Variants in CCSER1 observed in about 807,000 individuals in gnomAD.
CCSER1 encodes the protein serine-rich coiled-coil domain-containing protein 1.
In CCSER1, 41 loss-of-function variants were observed where a neutral mutation model predicts 82.0. The observed-to-expected ratio is 0.50, with a 90% confidence interval of 0.39 to 0.65. The LOEUF (loss-of-function observed/expected upper bound fraction) is 0.65, where lower values mean the gene tolerates loss of function less well. Among genes scored for constraint, CCSER1 ranks in the 30% least tolerant of loss-of-function variants. The probability of loss-of-function intolerance (pLI) is 0.00; values close to 1 mark genes in which losing one functional copy is unlikely to be tolerated. For missense variants in CCSER1, 1,119 were observed against 1,064.2 expected (o/e 1.05, Z -0.72); for synonymous variants, 414 against 383.9 (o/e 1.08, Z -0.92).
At chr4:91,041,906 G>A (rs754074857) in intron 9 of CCSER1, among the ~76,000 whole-genome samples, 8 of 152,134 alleles carry the variant, frequency 5.3e-5, no homozygotes, top group Non-Finnish European at 1.2e-4. Flanking sequence ...TTGACTGATC[G>A]CAATGTCACA....
intron 10 of CCSER1, among the ~76,000 whole-genome samples, chr4:91,131,969 A>G: frequency 6.6e-6 from 1 of 151,982 alleles, no homozygotes; most frequent in Admixed American, 6.6e-5. Flanking sequence ...AATGAAGATG[A>G]TAATATCTAG....
chr4:90,207,111 G>A (rs576315049), intron 1 of CCSER1, among the ~76,000 whole-genome samples: 9 of 151,874 alleles, frequency 5.9e-5, no homozygotes, highest in South Asian at 2.1e-4. Context: ...CCTGAATACC[G>A]CACACCCATG....
chr4:90,384,124 CATTTTATTTT>C (rs562501783), intron 3 of CCSER1, among the ~76,000 whole-genome samples: 3 of 151,154 alleles, frequency 2.0e-5, no homozygotes, highest in Admixed American at 6.6e-5. Context: ...TTGGTGCAAT[CATTTTATTTT>C]ATTTTATTTT....
At chr4:91,251,320 G>A (rs1348569173) in intron 10 of CCSER1, among the ~76,000 whole-genome samples, 2 of 152,032 alleles carry the variant, frequency 1.3e-5, no homozygotes, top group Non-Finnish European at 2.9e-5. Flanking sequence ...CCCTTATTAT[G>A]CAGGCACTAA....
intron 8 of CCSER1, chr4:90,918,416 G>A (rs1727840572): frequency 8.1e-6 from 3 of 369,366 alleles, no homozygotes; most frequent in South Asian, 6.4e-5. Flanking sequence ...AGCACTGAAA[G>A]CTGGAGTAAA....
rs141322218 is a variant in CCSER1 at position 90,343,734 on chromosome 4, T to G, written c.1509+30687T>G. Among the ~76,000 whole-genome samples, 1,216 of 152,280 alleles carry G rather than the reference T, an allele frequency of 8.0e-3. 10 individuals carry two copies. Among genetic ancestry groups the G allele is most frequent in the South Asian group, 0.016 (78 of 4,828 alleles). On this transcript the variant is annotated intron_variant, in intron 3 of 10. Transcript: ENST00000509176. ...AGTGTTTCATGTTACTTTTCTGCAA[T>G]TTATTTTATTTTTCTTAATTTTTGT...
At chr4:91,412,565 C>G (rs1352685789) in intron 10 of CCSER1, among the ~76,000 whole-genome samples, 1 of 152,164 alleles carries the variant, frequency 6.6e-6, no homozygotes, top group Non-Finnish European at 1.5e-5. Flanking sequence ...ACCCAGGGAC[C>G]AGACAAATCC....
chr4:90,980,910 G>T (rs1227700795), intron 9 of CCSER1, among the ~76,000 whole-genome samples: 1 of 151,764 alleles, frequency 6.6e-6, no homozygotes, highest in Non-Finnish European at 1.5e-5. Flanking sequence ...AGAATTTCCG[G>T]TAGCGCATGC....
At chr4:90,930,711 A>G (rs1391588338) in intron 9 of CCSER1, among the ~76,000 whole-genome samples, 2 of 151,732 alleles carry the variant, frequency 1.3e-5, no homozygotes, top group Non-Finnish European at 2.9e-5. Context: ...AGTATCTCTC[A>G]TTATCTGTTT....
At chr4:91,560,684 C>A in intron 10 of CCSER1, among the ~76,000 whole-genome samples, 1 of 151,358 alleles carries the variant, frequency 6.6e-6, no homozygotes, top group East Asian at 1.9e-4. Flanking sequence ...AATTGCTTAA[C>A]CTCAAATAGT....
chr4:90,910,352 AGAATATGAC>A (rs1257841794), intron 8 of CCSER1, among the ~76,000 whole-genome samples: 3 of 152,202 alleles, frequency 2.0e-5, no homozygotes, highest in Non-Finnish European at 4.4e-5. Flanking sequence ...CTTTACATCT[AGAATATGAC>A]GCACAGTTAT....
At chr4:90,258,098 C>G (rs562319791) in intron 1 of CCSER1, among the ~76,000 whole-genome samples, 1 of 152,288 alleles carries the variant, frequency 6.6e-6, no homozygotes, top group African/African-American at 2.4e-5. Flanking sequence ...GAAGCGATCT[C>G]AAACTTAAGG....
intron 1 of CCSER1, among the ~76,000 whole-genome samples, chr4:90,250,807 T>A (rs183824920): frequency 6.6e-6 from 1 of 152,202 alleles, no homozygotes; most frequent in East Asian, 1.9e-4. Context: ...GGGTGATTTG[T>A]CATCTTTGTA....
intron 10 of CCSER1, among the ~76,000 whole-genome samples, chr4:91,523,472 T>G (rs1200017710): frequency 1.3e-5 from 2 of 152,186 alleles, no homozygotes; most frequent in East Asian, 3.9e-4. Flanking sequence ...TTTGTACCTC[T>G]GGTAGAATTC....
chr4:91,144,368 A>G (rs1407892000), intron 10 of CCSER1, among the ~76,000 whole-genome samples: 1 of 151,972 alleles, frequency 6.6e-6, no homozygotes, highest in Non-Finnish European at 1.5e-5. Flanking sequence ...CTGTGAGTCT[A>G]GATAACATTC....
intron 9 of CCSER1, among the ~76,000 whole-genome samples, chr4:90,945,702 T>G (rs1240918458): frequency 6.6e-6 from 1 of 152,204 alleles, no homozygotes; most frequent in African/African-American, 2.4e-5. Context: ...CTTAGCTTGT[T>G]TGTATGAAAA....
At chr4:90,401,404 T>C (rs1242332464) in intron 4 of CCSER1, among the ~76,000 whole-genome samples, 1 of 152,210 alleles carries the variant, frequency 6.6e-6, no homozygotes, top group East Asian at 1.9e-4. Flanking sequence ...TGGAAAAATA[T>C]TGGAAGCACC....
chr4:90,868,495 C>T (rs1766026274), intron 8 of CCSER1, among the ~76,000 whole-genome samples: 1 of 151,944 alleles, frequency 6.6e-6, no homozygotes, highest in Admixed American at 6.6e-5. Flanking sequence ...ACATGATGAC[C>T]TCCAGTTCCA....
chr4:90,889,461 T>C (rs1356503031), intron 8 of CCSER1, among the ~76,000 whole-genome samples: 1 of 152,174 alleles, frequency 6.6e-6, no homozygotes, highest in Non-Finnish European at 1.5e-5. Context: ...CTCAGATGAT[T>C]AATTTCTGTG....
Sources: allele counts gnomAD v4.1 joint callset (sites outside exome capture counted in the v4.1 genomes callset), GRCh38; gene constraint gnomAD v4.1.1; transcripts MANE v1.5; gene names NCBI Gene and HGNC (gene_info 2026-07-23, HGNC 2026-07-21).